LCORL: variants seen among roughly 807,000 people sequenced by gnomAD.
The protein encoded by LCORL is ligand dependent nuclear receptor corepressor like, also known as ligand-dependent nuclear receptor corepressor-like protein.
Under a neutral mutation model 141.8 loss-of-function variants are expected in LCORL, and 41 were observed. That is an observed-to-expected ratio of 0.29 (90% CI 0.23 to 0.38). The LOEUF is 0.38. LCORL is among the 10% of genes least tolerant of loss of function. LCORL has a pLI of 1.00. For synonymous variants in LCORL, 618 were observed against 694.1 expected, an observed-to-expected ratio of 0.89 and a Z score of 1.72; for missense variants, 1,759 against 2,035.0, an observed-to-expected ratio of 0.86 and a Z score of 2.61.
At chr4:18,008,092 G>A (rs1723104967) in intron 1 of LCORL, among the ~76,000 whole-genome samples, 1 of 152,108 alleles carries the variant, frequency 6.6e-6, no homozygotes, top group South Asian at 2.1e-4. Flanking sequence ...CCATTCTTGA[G>A]GAAAGTTCAA....
At chr4:17,984,472 C>A (rs750013916) in intron 1 of LCORL, among the ~76,000 whole-genome samples, 1 of 152,080 alleles carries the variant, frequency 6.6e-6, no homozygotes, top group African/African-American at 2.4e-5. Flanking sequence ...TTCACGGAAT[C>A]AATTTCTTCC....
intron 6 of LCORL, chr4:17,882,859 T>C (rs1023843710): frequency 1.0e-6 from 1 of 982,054 alleles, no homozygotes; most frequent in Admixed American, 6.2e-5. Context: ...ATTATAAACA[T>C]GCTCTAAGTT....
chr4:17,880,264 C>A (rs760743299), intron 6 of LCORL: 2 of 192,660 alleles, frequency 1.0e-5, no homozygotes, highest in Admixed American at 6.6e-5. Flanking sequence ...CAAACATTCT[C>A]CCCCATATTT....
chr4:17,880,192 G>A (rs1426664529), intron 6 of LCORL, among the ~76,000 whole-genome samples: 1 of 150,946 alleles, frequency 6.6e-6, no homozygotes, highest in Non-Finnish European at 1.5e-5. Flanking sequence ...TCTATCTTAT[G>A]TATCAGATAT....
rs1426494963 is a variant in LCORL, at chr4:17,902,431, T to C, written c.682+6663A>G. On this transcript the variant is annotated intron_variant, in intron 5 of 7. Transcript: ENST00000635767. ...ATGGAATATAACATTTTCTTCCACA[T>C]GTTTTTAGCCACAGAAAACAAAAGC... 2.6e-5 allele frequency among the ~76,000 whole-genome samples: 4 copies of C among 151,920 alleles called. 1 individual carries two copies. The highest frequency in any genetic ancestry group is 6.5e-5 in the Admixed American group (1 of 15,276).
chr4:17,852,243 T>A (rs1723817667), intron 7 of LCORL, among the ~76,000 whole-genome samples: 1 of 152,064 alleles, frequency 6.6e-6, no homozygotes, highest in Admixed American at 6.6e-5. Context: ...TGGATTCTAA[T>A]GAAAGCTCAG....
intron 5 of LCORL, chr4:17,893,687 T>TA: frequency 8.1e-6 from 5 of 619,118 alleles, no homozygotes; most frequent in Non-Finnish European, 1.0e-5. Context: ...TAATTTGCAT[T>TA]GAAATTTCTT....
chr4:17,962,067 A>AT (rs770437651), intron 3 of LCORL, 35 bp from the exon 4 acceptor site: 1 of 1,462,346 alleles, frequency 6.8e-7, no homozygotes, highest in African/African-American at 1.4e-5. Context: ...ATACAGAATT[A>AT]TTTTTTAATT....
chr4:17,954,230 T>A (rs1192639651), intron 4 of LCORL, among the ~76,000 whole-genome samples: 1 of 151,914 alleles, frequency 6.6e-6, no homozygotes, highest in Non-Finnish European at 1.5e-5. Flanking sequence ...GAATTATCAA[T>A]AGGGTGGTGA....
chr4:17,924,919 T>C (rs1267016504), intron 4 of LCORL, among the ~76,000 whole-genome samples: 1 of 152,176 alleles, frequency 6.6e-6, no homozygotes, highest in African/African-American at 2.4e-5. Context: ...ATTCAGTATA[T>C]GGTACTGTTT....
At chr4:18,015,016 G>T (rs981172937) in intron 1 of LCORL, among the ~76,000 whole-genome samples, 1 of 152,096 alleles carries the variant, frequency 6.6e-6, no homozygotes, top group Non-Finnish European at 1.5e-5. Context: ...AAAAAGAAAA[G>T]ATAGAAACTT....
chr4:17,954,335 G>A (rs974938397), intron 4 of LCORL, among the ~76,000 whole-genome samples: 4 of 152,146 alleles, frequency 2.6e-5, no homozygotes, highest in Non-Finnish European at 5.9e-5. Context: ...AGAAGTAACA[G>A]CAAGTCTAAA....
chr4:18,017,173 AT>A (rs1724766744), intron 1 of LCORL, among the ~76,000 whole-genome samples: 3 of 152,156 alleles, frequency 2.0e-5, no homozygotes, highest in Non-Finnish European at 4.4e-5. Context: ...ACTGAATAAA[AT>A]TAAAAATCCA....
intron 4 of LCORL, among the ~76,000 whole-genome samples, chr4:17,961,145 G>A (rs1302531911): frequency 3.3e-5 from 5 of 152,048 alleles, no homozygotes; most frequent in African/African-American, 9.7e-5. Context: ...TAATCTCAAA[G>A]TTGAGAGAGA....
At chr4:17,931,366 T>C (rs1402452249) in intron 4 of LCORL, among the ~76,000 whole-genome samples, 2 of 152,102 alleles carry the variant, frequency 1.3e-5, no homozygotes. Context: ...CCTTGTTCTT[T>C]ATTCGGATTT....
chr4:17,841,961 CAG>C (rs1722454066), exon 8 of LCORL: 2 of 177,710 alleles, frequency 1.1e-5, no homozygotes, highest in South Asian at 2.5e-4. Context: ...TGAGTCTCCA[CAG>C]ACTTTGTGCT....
chr4:17,925,118 T>C (rs1734915883), intron 4 of LCORL, among the ~76,000 whole-genome samples: 1 of 152,140 alleles, frequency 6.6e-6, no homozygotes, highest in Admixed American at 6.5e-5. Flanking sequence ...AATTATTCCA[T>C]GAAACTGGAA....
intron 7 of LCORL, among the ~76,000 whole-genome samples, chr4:17,873,011 G>C (rs1316489942): frequency 6.6e-6 from 1 of 152,052 alleles, no homozygotes; most frequent in South Asian, 2.1e-4. Context: ...CTAGTTTATA[G>C]TGTGGTACTT....
intron 1 of LCORL, among the ~76,000 whole-genome samples, chr4:17,980,436 T>C (rs1717762182): frequency 6.6e-6 from 1 of 152,142 alleles, no homozygotes; most frequent in Admixed American, 6.6e-5. Flanking sequence ...GTAAAGACAA[T>C]CTCCCATAGA....
Sources: allele counts gnomAD v4.1 joint callset (sites outside exome capture counted in the v4.1 genomes callset), GRCh38; gene constraint gnomAD v4.1.1; transcripts MANE v1.5; gene names NCBI Gene and HGNC (gene_info 2026-07-23, HGNC 2026-07-21).